The following OXSM variants were observed in gnomAD, a reference collection of about 807,000 sequenced individuals.
The protein encoded by OXSM is 3-oxoacyl-ACP synthase, mitochondrial, also known as 3-oxoacyl-[acyl-carrier-protein] synthase, mitochondrial.
A neutral mutation model predicts 29.2 loss-of-function variants in OXSM; 19 were observed. The observed-to-expected ratio is 0.65, with a 90% CI of 0.45 to 0.96. The LOEUF (loss-of-function observed/expected upper bound fraction) is 0.96. OXSM is among the 40% of genes least tolerant of loss of function. The pLI, the probability that OXSM is intolerant of heterozygous loss-of-function variation, is 0.00. For missense variants in OXSM, 554 were observed against 551.3 expected, an observed-to-expected ratio of 1.00 and a Z score of -0.05; for synonymous variants, 178 against 197.1, an observed-to-expected ratio of 0.90 and a Z score of 0.81.
Position 25,791,288 on chromosome 3 carries a change from G to A in OXSM, c.268G>A (p.Ala90Thr), listed in dbSNP as rs762438629. ...TAAGAGTATCCCTTGCAGTGTTGCT[G>A]CTTATGTGCCAAGAGGTAGTGATGA... The part of the protein sequence containing the change: ...EYKSIPCSVA[A>T]YVPRGSDEGQ... The change falls in exon 2 of 3, where the codon GCT (alanine) becomes ACT (threonine). Residue 90 changes from alanine to threonine, a missense_variant. Transcript: ENST00000280701. The A allele has an allele frequency of 1.9e-6, 3 of 1,614,060 alleles. No individual in the cohort carries two copies. The highest frequency in any genetic ancestry group is 2.5e-6 in the Non-Finnish European group (3 of 1,180,034).
rs772145950 is a variant in OXSM, at chr3:25,791,991, C to G, written c.971C>G (p.Ala324Gly). 8 of 1,594,468 alleles carry G rather than the reference C, an allele frequency of 5.0e-6. No individual in the cohort carries two copies. The highest frequency in any genetic ancestry group is 1.1e-5 in the South Asian group (1 of 90,358). The change falls in exon 2 of 3, where the codon GCC becomes GGC. Residue 324 changes from alanine (A) to glycine (G), a missense_variant. Coordinates refer to ENST00000280701, the MANE Select transcript of OXSM (RefSeq NM_017897.3). ...GCCCCTGATCCTGAAGGAGAAGGTG[C>G]CTTAAGGTAAAGATGGGTTATTTCC... is the stretch of plus-strand genomic sequence containing the variant. ...ITAPDPEGEG[A>G]LRCMAAALKD...
In OXSM at chr3:25,791,909, CG is replaced by C; in HGVS notation, c.891del (p.Ile298SerfsTer17). Reference protein sequence around the residue: ...EYEHAVQRRARIYAEVLGYGL... With the variant: ...EYEHAVQRRAXIYAEVLGYGL... ...TGAACATGCTGTTCAAAGAAGAGCC[CG>C]GATCTATGCAGAAGTTTTGGGCTAT... On this transcript the variant is annotated frameshift_variant, in exon 2 of 3. Coordinates refer to ENST00000280701, the MANE Select transcript of OXSM (RefSeq NM_017897.3). LOFTEE classifies it high-confidence loss of function. 6.2e-7 allele frequency: 1 copy of C among 1,604,666 alleles called. No individual in the cohort carries two copies. Among genetic ancestry groups the C allele is most frequent in the Non-Finnish European group, 8.5e-7 (1 of 1,179,924 alleles).
chr3:25,794,261 A>G lies in OXSM; in HGVS notation c.1147A>G (p.Thr383Ala), dbSNP rs1489210735. The change falls in exon 3 of 3, where the codon ACA becomes GCA. Residue 383 changes from threonine (T) to alanine (A), a missense_variant. Thr to Ala is a moderately conservative substitution (Grantham distance 58). Coordinates refer to ENST00000280701, the MANE Select transcript of OXSM (RefSeq NM_017897.3). The stretch of plus-strand genomic sequence containing the variant: ...TGCAGTTTCCTCAACTAAGGGAGCA[A>G]CAGGACATCTGCTGGGAGCTGCAGG... ...ALAVSSTKGA[T>A]GHLLGAAGAV... 4 of 1,614,120 alleles carry G rather than the reference A, an allele frequency of 2.5e-6. No individual in the cohort carries two copies. The highest frequency in any genetic ancestry group is 3.4e-6 in the Non-Finnish European group (4 of 1,180,042).
intron 2 of OXSM, among the ~76,000 whole-genome samples, chr3:25,793,516 T>A (rs966588740): frequency 6.6e-6 from 1 of 152,160 alleles, no homozygotes; most frequent in African/African-American, 2.4e-5. Flanking sequence ...TTTTCAGAGG[T>A]CCTTTTAGAT....
chr3:25,791,355 T>G lies in OXSM; in HGVS notation c.335T>G (p.Ile112Ser). Residue 112 changes from isoleucine (I) to serine (S), a missense_variant, in exon 2 of 3, where the codon ATC becomes AGC. Physicochemically the swap from Ile to Ser is moderately radical, Grantham distance 142. Coordinates refer to ENST00000280701, the MANE Select transcript of OXSM (RefSeq NM_017897.3). The stretch of plus-strand genomic sequence containing the variant: ...CAAAACTTTGTGTCCAAATCAGATA[T>G]CAAGTCCATGTCTTCTCCCACCATC... ...NEQNFVSKSD[I>S]KSMSSPTIMA... is the part of the protein sequence containing the mutation. The G allele has an allele frequency of 6.2e-7, 1 of 1,614,128 alleles. No homozygotes were observed. Among genetic ancestry groups the G allele is most frequent in the Non-Finnish European group, 8.5e-7 (1 of 1,180,002 alleles).
chr3:25,790,229 A>G (rs1708701916), intron 1 of OXSM, 82 bp downstream of exon 1: 3 of 415,398 alleles, frequency 7.2e-6, no homozygotes, highest in Admixed American at 4.1e-5. Flanking sequence ...TCGAGAGGGG[A>G]GTCCGAGGAC....
intron 1 of OXSM, 97 bp downstream of exon 1, chr3:25,790,244 G>C (rs1408989700): frequency 4.2e-5 from 16 of 379,358 alleles, no homozygotes; most frequent in Non-Finnish European, 6.8e-5. Flanking sequence ...GAGGACCTGG[G>C]GCCTGATTTC....
rs1477726228 is a variant in OXSM at position 25,790,137 on chromosome 3, C to T, written c.-42C>T. Reference sequence around the variant, plus strand: ...GACTGTGGAGAAGTGTCCGGGGTAGCCCCGTTACAGGTATCGCTGGCTACC... The same window carrying T: ...GACTGTGGAGAAGTGTCCGGGGTAGTCCCGTTACAGGTATCGCTGGCTACC... On this transcript the variant is annotated 5_prime_UTR_variant, in exon 1 of 3. Coordinates refer to ENST00000280701, the MANE Select transcript of OXSM (RefSeq NM_017897.3). 5.9e-6 allele frequency: 3 copies of T among 511,866 alleles called. No individual in the cohort carries two copies. The highest frequency in any genetic ancestry group is 3.9e-5 in the African/African-American group (2 of 51,526). The allele number at this position is 511,866 out of a possible 1,614,324, so 31.7% of individuals were successfully genotyped here. A position where few individuals can be genotyped will look rare whatever the true frequency, so the allele number is the denominator to read the frequency against.
At position 25,791,468 on chromosome 3, in the gene OXSM, A is replaced by G. The variant is rs1211671701; in HGVS notation, c.448A>G (p.Ile150Val). 19 of 1,614,204 alleles carry G rather than the reference A, an allele frequency of 1.2e-5. No individual in the cohort carries two copies. Among genetic ancestry groups the G allele is most frequent in the Non-Finnish European group, 1.6e-5 (19 of 1,180,028 alleles). Residue 150 changes from isoleucine to valine, a missense_variant, in exon 2 of 3, where the codon ATT (isoleucine) becomes GTT (valine). Transcript: ENST00000280701. ...TGATCAAGTGGCTACTGGTGTTGCAATTGGCATGGGAATGATTCCTCTTGA... is the reference window on the plus strand; with the variant it reads ...TGATCAAGTGGCTACTGGTGTTGCAGTTGGCATGGGAATGATTCCTCTTGA... ...EADQVATGVA[I>V]GMGMIPLEVV... is the part of the protein sequence containing the mutation.
Position 25,791,615 on chromosome 3 carries a change from A to T in OXSM, c.595A>T (p.Lys199Ter), listed in dbSNP as rs1245207481. The T allele has an allele frequency of 2.5e-6, 4 of 1,613,888 alleles. No homozygotes were observed. The highest frequency in any genetic ancestry group is 3.4e-6 in the Non-Finnish European group (4 of 1,179,726). ...CCAGGTCAGCATTCGATATAAACTC[A>T]AGGGCCCAAATCATGCAGTATCCAC... is the stretch of plus-strand genomic sequence containing the variant. ...AGQVSIRYKL[K>*]GPNHAVSTAC... Residue 199 changes from lysine to a stop codon, truncating the protein, a stop_gained, in exon 2 of 3, where the codon AAG becomes TAG. Transcript: ENST00000280701. LOFTEE classifies it high-confidence loss of function.
intron 2 of OXSM, among the ~76,000 whole-genome samples, chr3:25,792,293 C>A (rs574951131): frequency 6.6e-6 from 1 of 152,320 alleles, no homozygotes; most frequent in African/African-American, 2.4e-5. Flanking sequence ...TCAGTGTGCT[C>A]CCTCACAAAG....
At chr3:25,793,141 T>C (rs1708800695) in intron 2 of OXSM, among the ~76,000 whole-genome samples, 1 of 151,972 alleles carries the variant, frequency 6.6e-6, no homozygotes, top group South Asian at 2.1e-4. Flanking sequence ...TGTTTGTTTT[T>C]CTTTTTTCTT....
chr3:25,790,974 T>C lies in OXSM; in HGVS notation c.-31-16T>C, dbSNP rs1708730021. ...TTTAAAAGAATACCTCCTAGGTGTGTTGTGGTCTTTTACAGGAATGTGTTT... is the reference window on the plus strand; with the variant it reads ...TTTAAAAGAATACCTCCTAGGTGTGCTGTGGTCTTTTACAGGAATGTGTTT... On this transcript the variant is annotated splice_polypyrimidine_tract_variant and intron_variant, in intron 1 of 2. Coordinates refer to ENST00000280701, the MANE Select transcript of OXSM (RefSeq NM_017897.3). 1.3e-6 allele frequency: 2 copies of C among 1,567,436 alleles called. No homozygotes were observed. The highest frequency in any genetic ancestry group is 1.4e-5 in the African/African-American group (1 of 73,790).
At chr3:25,792,963 A>C (rs1708794926) in intron 2 of OXSM, among the ~76,000 whole-genome samples, 1 of 152,198 alleles carries the variant, frequency 6.6e-6, no homozygotes. Flanking sequence ...GTCTGTTGCA[A>C]CTAATCAACT....
intron 2 of OXSM, among the ~76,000 whole-genome samples, chr3:25,793,185 G>A (rs1177780167): frequency 6.9e-6 from 1 of 145,200 alleles, no homozygotes; most frequent in East Asian, 2.0e-4. Context: ...TTGGGGTCTT[G>A]CTATGTTGCC....
chr3:25,790,909 A>G (rs1483836984), intron 1 of OXSM, 81 bp from the exon 2 acceptor site: 11 of 1,028,818 alleles, frequency 1.1e-5, no homozygotes, highest in Non-Finnish European at 1.6e-5. Context: ...CAAGCACCCA[A>G]AGGAACACCT....
At position 25,791,391 on chromosome 3, in the gene OXSM, G is replaced by A. The variant is rs1336653684; in HGVS notation, c.371G>A (p.Gly124Glu). 2 of 1,614,036 alleles carry A rather than the reference G, an allele frequency of 1.2e-6. No individual in the cohort carries two copies. Among genetic ancestry groups the A allele is most frequent in the East Asian group, 2.2e-5 (1 of 44,898 alleles). ...TCTTCTCCCACCATCATGGCCATTG[G>A]GGCTGCAGAATTAGCCATGAAGGAT... is the stretch of plus-strand genomic sequence containing the variant. ...SMSSPTIMAI[G>E]AAELAMKDSG... The change falls in exon 2 of 3, where the codon GGG (glycine) becomes GAG (glutamate). Residue 124 changes from glycine to glutamate, a missense_variant. Gly to Glu is a moderately conservative substitution (Grantham distance 98). Coordinates refer to ENST00000280701, the MANE Select transcript of OXSM (RefSeq NM_017897.3).
intron 2 of OXSM, 145 bp from the exon 3 acceptor site, chr3:25,793,947 G>A: frequency 1.5e-6 from 1 of 671,234 alleles, no homozygotes; most frequent in Non-Finnish European, 2.5e-6. Context: ...GGTAATCCAA[G>A]ATAGTGTTCC....
Position 25,794,022 on chromosome 3 carries a change from C to T in OXSM, c.978-70C>T, listed in dbSNP as rs564540436. The stretch of plus-strand genomic sequence containing the variant: ...GATACCTACATTTGTTTCACATAAG[C>T]CATACAGATAAAGAGACTTTTGTTA... On this transcript the variant is annotated intron_variant, in intron 2 of 2. Coordinates refer to ENST00000280701, the MANE Select transcript of OXSM (RefSeq NM_017897.3). 2.2e-6 allele frequency: 3 copies of T among 1,345,902 alleles called. No individual in the cohort carries two copies. The African/African-American group carries it at 4.4e-5, about 20-fold the overall frequency. The allele number at this position is 1,345,902 out of a possible 1,614,324, so 83.4% of individuals were successfully genotyped here. A position where few individuals can be genotyped will look rare whatever the true frequency, so the allele number is the denominator to read the frequency against.
Sources: gnomAD v4.1 joint callset for allele counts (sites outside exome capture counted in the v4.1 genomes callset) on GRCh38, gnomAD v4.1.1 for gene constraint, MANE v1.5 for transcripts, NCBI Gene and HGNC (gene_info 2026-07-23, HGNC 2026-07-21) for gene names.